PHLPP1: variants seen among roughly 807,000 people sequenced by gnomAD.
PHLPP1 encodes the protein PH domain leucine-rich repeat-containing protein phosphatase 1.
PHLPP1 carries 42 observed loss-of-function variants against 117.2 expected under a neutral mutation model. That is an observed-to-expected ratio of 0.36 (90% CI 0.28 to 0.46). The LOEUF is 0.46. Among genes scored for constraint, PHLPP1 ranks in the 20% least tolerant of loss-of-function variants. PHLPP1 has a pLI of 1.00. For synonymous variants in PHLPP1, 1,042 were observed against 970.7 expected (o/e 1.07, Z -1.37); for missense variants, 2,084 against 2,241.9 (o/e 0.93, Z 1.42).
chr18:62,797,146 C>T (rs547456650), intron 1 of PHLPP1, among the ~76,000 whole-genome samples: 8 of 152,146 alleles, frequency 5.3e-5, no homozygotes, highest in African/African-American at 9.7e-5. Flanking sequence ...GCATACCTTC[C>T]GACCTGTTTG....
intron 1 of PHLPP1, among the ~76,000 whole-genome samples, chr18:62,768,638 A>G (rs1912637909): frequency 6.6e-6 from 1 of 152,214 alleles, no homozygotes; most frequent in South Asian, 2.1e-4. Context: ...ATCTTTAAAT[A>G]TAATTCTGCT....
intron 2 of PHLPP1, among the ~76,000 whole-genome samples, chr18:62,835,421 C>T (rs376524028): frequency 6.6e-6 from 1 of 151,934 alleles, no homozygotes; most frequent in South Asian, 2.1e-4. Context: ...CCAGGCTGGT[C>T]TTCTGACCTC....
At chr18:62,841,882 A>G (rs909878826) in intron 3 of PHLPP1, among the ~76,000 whole-genome samples, 1 of 152,214 alleles carries the variant, frequency 6.6e-6, no homozygotes, top group African/African-American at 2.4e-5. Context: ...TTCCTTTTAG[A>G]AAGGCTTTGA....
intron 1 of PHLPP1, among the ~76,000 whole-genome samples, chr18:62,742,510 A>G (rs1466093881): frequency 2.0e-5 from 3 of 151,766 alleles, no homozygotes; most frequent in African/African-American, 7.3e-5. Context: ...ATCTTGGCTC[A>G]CTGCAACTTC....
At chr18:62,860,351 A>G in intron 3 of PHLPP1, 84 bp from the exon 4 acceptor site, 1 of 1,132,028 alleles carries the variant, frequency 8.8e-7, no homozygotes, top group Non-Finnish European at 1.3e-6. Context: ...ATCTGTTCCA[A>G]ATTGGGATTA....
Position 62,715,795 on chromosome 18 carries a change from G to C in PHLPP1, c.112G>C (p.Ala38Pro). 1 of 726,906 alleles carries C rather than the reference G, an allele frequency of 1.4e-6. No homozygotes were observed. The highest frequency in any genetic ancestry group is 1.7e-6 in the Non-Finnish European group (1 of 590,602). The allele number at this position is 726,906 out of a possible 1,614,324, so 45.0% of individuals were successfully genotyped here. A position where few individuals can be genotyped will look rare whatever the true frequency, so the allele number is the denominator to read the frequency against. ...GGCAGCAGCAGCAGCAGCGGCGGCC[G>C]CGGCGGCTCTGGCGGCGGCGGCCGG... The part of the protein sequence containing the change: ...AAAAAAAAAA[A>P]AALAAAAGGG... Residue 38 changes from alanine (A) to proline (P), a missense_variant, in exon 1 of 17, where the codon GCG (alanine) becomes CCG (proline). Physicochemically the swap from Ala to Pro is conservative, Grantham distance 27. Transcript: ENST00000262719.
At chr18:62,752,783 C>G (rs934181509) in intron 1 of PHLPP1, among the ~76,000 whole-genome samples, 7 of 152,196 alleles carry the variant, frequency 4.6e-5, no homozygotes, top group Admixed American at 6.5e-5. Context: ...CTTTTGGGAT[C>G]ATTTCAAGTG....
chr18:62,966,256 T>G (rs139895993), intron 14 of PHLPP1, among the ~76,000 whole-genome samples: 4 of 152,314 alleles, frequency 2.6e-5, no homozygotes, highest in African/African-American at 9.6e-5. Flanking sequence ...TGTTAACTAC[T>G]AATATTATTA....
At chr18:62,799,594 C>T (rs2144298356) in intron 1 of PHLPP1, among the ~76,000 whole-genome samples, 1 of 152,320 alleles carries the variant, frequency 6.6e-6, no homozygotes, top group Middle Eastern at 3.4e-3. Context: ...GATAGTTGCA[C>T]AGTGTGCAGG....
intron 4 of PHLPP1, among the ~76,000 whole-genome samples, chr18:62,876,872 C>G (rs1178791728): frequency 6.6e-6 from 1 of 152,124 alleles, no homozygotes; most frequent in Non-Finnish European, 1.5e-5. Flanking sequence ...GAATTCAACA[C>G]TTGGAGGAAA....
At chr18:62,730,547 T>G (rs1911198416) in intron 1 of PHLPP1, among the ~76,000 whole-genome samples, 1 of 152,078 alleles carries the variant, frequency 6.6e-6, no homozygotes, top group Non-Finnish European at 1.5e-5. Context: ...TTCGGCCAGG[T>G]GCAGTGGCTC....
At chr18:62,942,298 G>T (rs1910152294) in intron 11 of PHLPP1, among the ~76,000 whole-genome samples, 1 of 152,078 alleles carries the variant, frequency 6.6e-6, no homozygotes, top group Non-Finnish European at 1.5e-5. Flanking sequence ...ACATGGGAGG[G>T]TCACTTGAGC....
intron 10 of PHLPP1, among the ~76,000 whole-genome samples, chr18:62,927,112 G>A (rs1323037137): frequency 2.6e-5 from 4 of 152,118 alleles, no homozygotes; most frequent in South Asian, 2.1e-4. Context: ...AAGAGGAAGC[G>A]AAGCAAATGG....
rs1402190715 is a variant in PHLPP1, at chr18:62,716,097, C to G, written c.414C>G (p.Ser138=). The G allele has an allele frequency of 2.7e-6, 4 of 1,501,908 alleles. No homozygotes were observed. The highest frequency in any genetic ancestry group is 2.6e-6 in the Non-Finnish European group (3 of 1,133,568). The allele number at this position is 1,501,908 out of a possible 1,614,324, so 93.0% of individuals were successfully genotyped here. ...RNLSAAAAAA[S]SSSSSSAAAA... ...TGTCCGCGGCCGCCGCGGCCGCCTC[C>G]TCGTCGTCGTCGTCCTCGGCCGCTG... Residue 138 remains serine (S), a synonymous_variant, in exon 1 of 17, where the codon TCC becomes TCG. Transcript: ENST00000262719. The surrounding 1 kb of genome is among the most constrained non-coding windows in gnomAD (Gnocchi z 5.7).
rs763610226 is a variant in PHLPP1 at position 62,838,818 on chromosome 18, C to T, written c.1808C>T (p.Ala603Val). 3.1e-6 allele frequency: 5 copies of T among 1,613,690 alleles called. No homozygotes were observed. The East Asian group carries it at 8.9e-5, about 29-fold the overall frequency. Reference sequence around the variant, plus strand: ...GTGAAAAAGCACCAACACTGTTTAGCATTTAGCTCCTCTGGACCCCAAAGC... The same window carrying T: ...GTGAAAAAGCACCAACACTGTTTAGTATTTAGCTCCTCTGGACCCCAAAGC... ...EEVKKHQHCLAFSSSGPQSQT... is the reference protein window; with the variant it reads ...EEVKKHQHCLVFSSSGPQSQT... Residue 603 changes from alanine (A) to valine (V), a missense_variant, in exon 3 of 17, where the codon GCA (alanine) becomes GTA (valine). Transcript: ENST00000262719.
chr18:62,738,464 A>G (rs1173928746), intron 1 of PHLPP1, among the ~76,000 whole-genome samples: 1 of 152,250 alleles, frequency 6.6e-6, no homozygotes, highest in Admixed American at 6.5e-5. Context: ...TGTGTTAAGT[A>G]TTATAAGTAA....
At chr18:62,878,674 C>T (rs567839719) in intron 4 of PHLPP1, among the ~76,000 whole-genome samples, 4 of 152,002 alleles carry the variant, frequency 2.6e-5, no homozygotes, top group South Asian at 2.1e-4. Context: ...GTCTTTTGGA[C>T]GTATAATTAA....
At chr18:62,724,189 A>G (rs1892901182) in intron 1 of PHLPP1, among the ~76,000 whole-genome samples, 2 of 152,222 alleles carry the variant, frequency 1.3e-5, no homozygotes, top group South Asian at 4.1e-4. Flanking sequence ...GCCAGAGATG[A>G]GTATAAAGTA....
chr18:62,790,484 A>G (rs1396735405), intron 1 of PHLPP1, among the ~76,000 whole-genome samples: 1 of 152,200 alleles, frequency 6.6e-6, no homozygotes, highest in Non-Finnish European at 1.5e-5. Context: ...GACATATTCA[A>G]AAGTATTGAA....
Sources: gnomAD v4.1 joint callset for allele counts (sites outside exome capture counted in the v4.1 genomes callset) on GRCh38, gnomAD v4.1.1 for gene constraint, Gnocchi (gnomAD v3.1) non-coding constraint, MANE v1.5 for transcripts, NCBI Gene and HGNC (gene_info 2026-07-23, HGNC 2026-07-21) for gene names.